DSCAML1: variants seen among roughly 807,000 people sequenced by gnomAD.
DSCAML1 encodes the protein DS cell adhesion molecule like 1.
DSCAML1 carries 38 observed loss-of-function variants against 200.5 expected under a neutral mutation model. That is an observed-to-expected ratio of 0.19 (90% CI 0.15 to 0.25). The LOEUF is 0.25. Ranked by LOEUF, DSCAML1 falls within the 10% of genes least tolerant of loss-of-function variation. The probability of loss-of-function intolerance (pLI) is 1.00; values close to 1 mark genes in which losing one functional copy is unlikely to be tolerated. For missense variants in DSCAML1, 2,223 were observed against 2,858.8 expected, an observed-to-expected ratio of 0.78 and a Z score of 5.07; for synonymous variants, 1,215 against 1,165.0, an observed-to-expected ratio of 1.04 and a Z score of -0.87.
chr11:117,543,356 TGTGTGTACCTGCACTGGC>T (rs918821497), intron 3 of DSCAML1, among the ~76,000 whole-genome samples: 15 of 151,762 alleles, frequency 9.9e-5, no homozygotes, highest in Non-Finnish European at 2.1e-4. Context: ...CCTGCACTGG[TGTGTGTACCTGCACTGGC>T]ATGTTGTGTA....
At chr11:117,814,500 A>G (rs2055786925) in intron 1 of DSCAML1, among the ~76,000 whole-genome samples, 1 of 152,190 alleles carries the variant, frequency 6.6e-6, no homozygotes, top group Admixed American at 6.5e-5. Context: ...TGGAGCAGGG[A>G]CAGGGGTGGT....
rs1012986716 is a variant in DSCAML1, at chr11:117,673,661, G to A, written c.511+103130C>T. 7.9e-5 allele frequency among the ~76,000 whole-genome samples: 12 copies of A among 152,338 alleles called. No individual in the cohort carries two copies. The East Asian group carries it at 9.6e-4, about 12-fold the overall frequency. ...CCTGTCTAATTGGACCTGCTGCCTG[G>A]AAGTCCGATTTAATCAGCCTGTGAT... On this transcript the variant is annotated intron_variant, in intron 3 of 32. Transcript: ENST00000651296.
At chr11:117,488,896 C>A (rs1459208620) in intron 11 of DSCAML1, among the ~76,000 whole-genome samples, 1 of 152,250 alleles carries the variant, frequency 6.6e-6, no homozygotes, top group East Asian at 1.9e-4. Flanking sequence ...GTTCCAAAGC[C>A]TGTGTCTCAG....
At chr11:117,653,924 G>A (rs1328347843) in intron 3 of DSCAML1, among the ~76,000 whole-genome samples, 1 of 152,192 alleles carries the variant, frequency 6.6e-6, no homozygotes, top group African/African-American at 2.4e-5. Flanking sequence ...TACTCAGGAG[G>A]CTGAGGTGGG....
Position 117,430,840 on chromosome 11 carries a change from T to C in DSCAML1, c.5568A>G (p.Thr1856=), listed in dbSNP as rs2047773750. 3 of 1,614,062 alleles carry C rather than the reference T, an allele frequency of 1.9e-6. No individual in the cohort carries two copies. The highest frequency in any genetic ancestry group is 2.5e-6 in the Non-Finnish European group (3 of 1,180,044). ...TGTNENADSM[T]SMSTPSEPGI... The stretch of plus-strand genomic sequence containing the variant: ...CAGGCTCTGAGGGTGTGCTCATGGA[T>C]GTCATGCTGTCGGCGTTCTCGTTGG... Residue 1856 remains threonine, a synonymous_variant, in exon 32 of 33, where the codon ACA becomes ACG. Coordinates refer to ENST00000651296, the MANE Select transcript of DSCAML1 (RefSeq NM_020693.4).
chr11:117,648,167 C>T (rs181165324), intron 3 of DSCAML1, among the ~76,000 whole-genome samples: 1 of 152,332 alleles, frequency 6.6e-6, no homozygotes, highest in East Asian at 1.9e-4. Context: ...ACTCATTCCC[C>T]CATCTCAGAG....
In DSCAML1 at chr11:117,428,108, C is replaced by T. The variant is rs997540410; in HGVS notation, c.*220G>A. The T allele has an allele frequency of 2.1e-6, 1 of 484,584 alleles. No individual in the cohort carries two copies. The highest frequency in any genetic ancestry group is 3.6e-6 in the Non-Finnish European group (1 of 275,292). The allele number at this position is 484,584 out of a possible 1,614,324, so 30.0% of individuals were successfully genotyped here. A position where few individuals can be genotyped will look rare whatever the true frequency, so the allele number is the denominator to read the frequency against. ...TGTGGGGTGGGGGATTTGACTTGTA[C>T]TGTCAAATTCTTTGTGCCCTGGCTT... On this transcript the variant is annotated 3_prime_UTR_variant, in exon 33 of 33. Transcript: ENST00000651296.
intron 11 of DSCAML1, 137 bp from the exon 12 acceptor site, chr11:117,482,299 C>T: frequency 1.0e-6 from 1 of 993,968 alleles, no homozygotes; most frequent in South Asian, 1.6e-5. Flanking sequence ...CAGGGAACCC[C>T]ACTGGCCTGT....
chr11:117,571,309 C>G (rs1217206386), intron 3 of DSCAML1, among the ~76,000 whole-genome samples: 1 of 152,224 alleles, frequency 6.6e-6, no homozygotes, highest in East Asian at 1.9e-4. Flanking sequence ...AGCTGTCACT[C>G]TTACCCATCC....
chr11:117,568,583 G>C (rs1288248379), intron 3 of DSCAML1, among the ~76,000 whole-genome samples: 1 of 149,562 alleles, frequency 6.7e-6, no homozygotes, highest in Non-Finnish European at 1.5e-5. Context: ...ACCAACAACA[G>C]ACAGAGAGCC....
chr11:117,720,333 C>T (rs137874999), intron 3 of DSCAML1, among the ~76,000 whole-genome samples: 572 of 152,286 alleles, frequency 3.8e-3, no homozygotes, highest in African/African-American at 0.013. Context: ...AGAGTGCACA[C>T]GCCCTCCCAG....
chr11:117,568,409 A>G (rs2137431192), intron 3 of DSCAML1, among the ~76,000 whole-genome samples: 1 of 152,368 alleles, frequency 6.6e-6, no homozygotes, highest in South Asian at 2.1e-4. Context: ...AAGGGTATTC[A>G]GTTAGGAAAA....
rs1388331828 is a variant in DSCAML1 at position 117,581,886 on chromosome 11, T to G, written c.512-49364A>C. ...ATTGTTTACACAGATTCTACCTTCA[T>G]TTCCAGAAATGCTTCTTGTCCCTGA... On this transcript the variant is annotated intron_variant, in intron 3 of 32. Coordinates refer to ENST00000651296, the MANE Select transcript of DSCAML1 (RefSeq NM_020693.4). Among the ~76,000 whole-genome samples the G allele has an allele frequency of 2.0e-5, 3 of 152,182 alleles. No individual in the cohort carries two copies. The East Asian group carries it at 5.8e-4, about 29-fold the overall frequency.
chr11:117,522,103 C>T (rs1444929158), intron 5 of DSCAML1, among the ~76,000 whole-genome samples: 1 of 152,240 alleles, frequency 6.6e-6, no homozygotes, highest in East Asian at 1.9e-4. Context: ...CACCAGCAAC[C>T]TGCCTGCGAT....
chr11:117,456,022 A>G (rs1325668042), intron 19 of DSCAML1, among the ~76,000 whole-genome samples: 1 of 152,116 alleles, frequency 6.6e-6, no homozygotes, highest in East Asian at 1.9e-4. Flanking sequence ...TGATAATTCC[A>G]TTTCCCGTTT....
intron 3 of DSCAML1, among the ~76,000 whole-genome samples, chr11:117,570,500 G>A (rs1016269380): frequency 1.3e-5 from 2 of 152,124 alleles, no homozygotes; most frequent in Non-Finnish European, 2.9e-5. Flanking sequence ...AGTGTCATGA[G>A]AGCATAAAAC....
chr11:117,471,223 G>A (rs1157707536), intron 15 of DSCAML1, among the ~76,000 whole-genome samples: 2 of 151,712 alleles, frequency 1.3e-5, no homozygotes, highest in Non-Finnish European at 2.9e-5. Context: ...CCAGGCTGGA[G>A]TGCAGTGGTG....
chr11:117,458,894 T>C lies in DSCAML1; in HGVS notation c.3428A>G (p.Gln1143Arg). The change falls in exon 19 of 33, where the codon CAG (glutamine) becomes CGG (arginine). Residue 1143 changes from glutamine (Q) to arginine (R), a missense_variant. Physicochemically the swap from Gln to Arg is conservative, Grantham distance 43 (BLOSUM62 1). Around this residue, in one of 7 missense-constraint regions of DSCAML1, gnomAD observed 438 missense variants for 629.7 expected, o/e 0.70. Coordinates refer to ENST00000651296, the MANE Select transcript of DSCAML1 (RefSeq NM_020693.4). ...LYVDGEWGEM[Q>R]NITTTRERVE... is the part of the protein sequence containing the mutation. ...CCGCTCCCGCGTGGTGGTGATGTTC[T>C]GCATCTCGCCCCACTCTGCCAGAGA... 6.2e-7 allele frequency: 1 copy of C among 1,613,778 alleles called. No homozygotes were observed. Among genetic ancestry groups the C allele is most frequent in the Non-Finnish European group, 8.5e-7 (1 of 1,179,962 alleles).
At chr11:117,452,481 T>G (rs2048300985) in intron 19 of DSCAML1, among the ~76,000 whole-genome samples, 1 of 152,204 alleles carries the variant, frequency 6.6e-6, no homozygotes, top group Non-Finnish European at 1.5e-5. Flanking sequence ...GTTGAACCTT[T>G]CTATACCCTT....
Sources: gnomAD v4.1 joint callset for allele counts (sites outside exome capture counted in the v4.1 genomes callset) on GRCh38, gnomAD v4.1.1 for gene constraint, gnomAD v4.1.1 regional missense constraint, MANE v1.5 for transcripts, NCBI Gene and HGNC (gene_info 2026-07-23, HGNC 2026-07-21) for gene names.